Variants in SGK3 observed in about 807,000 individuals in gnomAD.
SGK3 encodes the protein serine/threonine-protein kinase Sgk3.
SGK3 carries 47 observed loss-of-function variants against 68.5 expected under a neutral mutation model. That is an observed-to-expected ratio of 0.69 (90% CI 0.54 to 0.87). The LOEUF is 0.87. Among genes scored for constraint, SGK3 ranks in the 40% least tolerant of loss-of-function variants. The pLI is 0.00. For missense variants in SGK3, 479 were observed against 575.5 expected (o/e 0.83, Z 1.72); for synonymous variants, 181 against 189.1 (o/e 0.96, Z 0.35).
rs142316310 is a variant in SGK3, at chr8:66,842,798, G to A, written c.979-654G>A. On this transcript the variant is annotated intron_variant, in intron 13 of 16. Transcript: ENST00000521198. ...ACATTAAGTATTCTTGCCGGGTGCC[G>A]TGGCTCATGCCAGTAATCCCAGCAC... is the stretch of plus-strand genomic sequence containing the variant. Among the ~76,000 whole-genome samples, 156 of 152,252 alleles carry A rather than the reference G, an allele frequency of 1.0e-3. 3 individuals carry two copies. In the South Asian group the frequency reaches 0.014, roughly 14 times the overall value.
chr8:66,762,400 C>T (rs1224870855), intron 1 of SGK3, among the ~76,000 whole-genome samples: 2 of 152,074 alleles, frequency 1.3e-5, no homozygotes, highest in Admixed American at 6.6e-5. Context: ...GCCTTTAATC[C>T]CAGGTACTCG....
chr8:66,847,090 A>G, intron 14 of SGK3, 103 bp from the exon 15 acceptor site: 2 of 1,497,994 alleles, frequency 1.3e-6, no homozygotes, highest in Non-Finnish European at 1.8e-6. Flanking sequence ...AGAGGTCCAT[A>G]CATTTTTTCA....
At chr8:66,738,867 T>C (rs1805400843) in intron 1 of SGK3, among the ~76,000 whole-genome samples, 1 of 152,178 alleles carries the variant, frequency 6.6e-6, no homozygotes, top group Non-Finnish European at 1.5e-5. Flanking sequence ...TCTGGCCTCG[T>C]GATCTGCCTG....
rs1407290946 is a variant in SGK3, at chr8:66,822,416, A to C, written c.374A>C (p.Gln125Pro). 6.2e-7 allele frequency: 1 copy of C among 1,611,688 alleles called. No individual in the cohort carries two copies. Among genetic ancestry groups the C allele is most frequent in the Non-Finnish European group, 8.5e-7 (1 of 1,178,876 alleles). The stretch of plus-strand genomic sequence containing the variant: ...CTTCAAATGGACAGTCCAAAACACC[A>C]GTCAGATCCATCTGAAGATGAGGAT... ...AFLQMDSPKH[Q>P]SDPSEDEDER... Residue 125 changes from glutamine (Q) to proline (P), a missense_variant, in exon 6 of 17, where the codon CAG becomes CCG. Coordinates refer to ENST00000521198, the MANE Select transcript of SGK3 (RefSeq NM_001033578.3).
intron 1 of SGK3, among the ~76,000 whole-genome samples, chr8:66,714,448 A>G (rs933991088): frequency 1.3e-5 from 2 of 152,172 alleles, no homozygotes; most frequent in Admixed American, 6.6e-5. Flanking sequence ...TATGAATGTA[A>G]TGTCAAAATC....
chr8:66,770,506 T>C (rs918241362), intron 1 of SGK3, among the ~76,000 whole-genome samples: 1 of 152,180 alleles, frequency 6.6e-6, no homozygotes, highest in African/African-American at 2.4e-5. Context: ...TGTTTGTTTG[T>C]TTGGCAGGAC....
At chr8:66,833,249 G>A (rs1297733396) in intron 8 of SGK3, among the ~76,000 whole-genome samples, 1 of 152,046 alleles carries the variant, frequency 6.6e-6, no homozygotes, top group African/African-American at 2.4e-5. Context: ...CAAGTGATCT[G>A]CCTGCCTCGG....
chr8:66,740,615 A>G (rs1227963593), intron 1 of SGK3, among the ~76,000 whole-genome samples: 1 of 152,244 alleles, frequency 6.6e-6, no homozygotes, highest in Non-Finnish European at 1.5e-5. Context: ...CACCTTAAAA[A>G]GTAGGCTGAG....
chr8:66,735,287 A>G (rs1805286838), intron 1 of SGK3, among the ~76,000 whole-genome samples: 2 of 152,214 alleles, frequency 1.3e-5, no homozygotes, highest in African/African-American at 4.8e-5. Context: ...GCAAAACACA[A>G]AATTAGGTAG....
At chr8:66,716,671 G>A (rs1804642443) in intron 1 of SGK3, among the ~76,000 whole-genome samples, 2 of 152,248 alleles carry the variant, frequency 1.3e-5, no homozygotes, top group Admixed American at 1.3e-4. Context: ...TGAAGTAAGT[G>A]ATGTTAGTGA....
At chr8:66,778,941 GT>G (rs933415867) in intron 1 of SGK3, among the ~76,000 whole-genome samples, 58 of 152,124 alleles carry the variant, frequency 3.8e-4, no homozygotes, top group African/African-American at 1.3e-3. Context: ...AATATATTTT[GT>G]TTTTGTATTT....
chr8:66,855,924 A>G (rs1357161884), intron 16 of SGK3, among the ~76,000 whole-genome samples: 2 of 152,214 alleles, frequency 1.3e-5, no homozygotes, highest in Non-Finnish European at 2.9e-5. Context: ...CAACAATCCT[A>G]TGAGATAGTA....
intron 1 of SGK3, among the ~76,000 whole-genome samples, chr8:66,787,767 T>C (rs1807269516): frequency 6.6e-6 from 1 of 152,252 alleles, no homozygotes; most frequent in African/African-American, 2.4e-5. Context: ...CATTCTGTGC[T>C]GTAGTGAAAG....
At chr8:66,839,004 A>C (rs1354249694) in intron 10 of SGK3, among the ~76,000 whole-genome samples, 1 of 152,194 alleles carries the variant, frequency 6.6e-6, no homozygotes, top group Non-Finnish European at 1.5e-5. Context: ...ATTGTTGGCT[A>C]ATGTCCACAT....
intron 1 of SGK3, chr8:66,767,472 C>T: frequency 6.9e-7 from 1 of 1,457,392 alleles, no homozygotes. Context: ...GAGACTGCAA[C>T]AGATTGGATT....
intron 2 of SGK3, among the ~76,000 whole-genome samples, chr8:66,794,671 A>G (rs1183904357): frequency 1.3e-5 from 2 of 152,108 alleles, no homozygotes; most frequent in Non-Finnish European, 2.9e-5. Context: ...TCTTTCTCTT[A>G]CTTGAACACG....
At chr8:66,747,370 A>G (rs569342655) in intron 1 of SGK3, among the ~76,000 whole-genome samples, 1 of 152,224 alleles carries the variant, frequency 6.6e-6, no homozygotes, top group South Asian at 2.1e-4. Context: ...GTAATTACTT[A>G]GAATAAAAGA....
intron 4 of SGK3, among the ~76,000 whole-genome samples, chr8:66,808,931 G>A (rs1253752227): frequency 2.0e-5 from 3 of 151,540 alleles, no homozygotes; most frequent in South Asian, 2.1e-4. Context: ...GTGCAGTGGC[G>A]TGATCTCGGC....
intron 1 of SGK3, among the ~76,000 whole-genome samples, chr8:66,719,771 A>G (rs1804745720): frequency 6.6e-6 from 1 of 152,212 alleles, no homozygotes; most frequent in Non-Finnish European, 1.5e-5. Context: ...TTTAAAATAT[A>G]TTTAAATCAC....
Sources: allele counts gnomAD v4.1 joint callset (sites outside exome capture counted in the v4.1 genomes callset), GRCh38; gene constraint gnomAD v4.1.1; transcripts MANE v1.5; gene names NCBI Gene and HGNC (gene_info 2026-07-23, HGNC 2026-07-21).